ATOSA: variants seen among roughly 807,000 people sequenced by gnomAD.
ATOSA encodes atos homolog protein A.
the ATOSA span, among the ~76,000 whole-genome samples, chr15:52,637,755 G>A: frequency 6.6e-6 from 1 of 152,092 alleles, no homozygotes; most frequent in Non-Finnish European, 1.5e-5. Flanking sequence ...AAGTCACTTA[G>A]TAGAAACAGA....
the ATOSA span, among the ~76,000 whole-genome samples, chr15:52,665,534 G>A: frequency 6.6e-6 from 1 of 151,660 alleles, no homozygotes; most frequent in African/African-American, 2.4e-5. Context: ...TACTGTTGGT[G>A]ACCAAAAATT....
the ATOSA span, among the ~76,000 whole-genome samples, chr15:52,640,716 C>G: frequency 6.7e-6 from 1 of 149,718 alleles, no homozygotes; most frequent in African/African-American, 2.5e-5. Context: ...ATATATACTA[C>G]TAGATCTGAA....
the ATOSA span, among the ~76,000 whole-genome samples, chr15:52,679,541 G>A: frequency 2.0e-5 from 3 of 152,218 alleles, no homozygotes; most frequent in Non-Finnish European, 4.4e-5. Flanking sequence ...CAGGTGCCCG[G>A]CGGGTGCGAG....
chr15:52,609,130 T>C, the ATOSA span: 52 of 1,613,460 alleles, frequency 3.2e-5, no homozygotes, highest in Non-Finnish European at 4.1e-5. Context: ...ATACGTACTT[T>C]GGATGATTTC....
the ATOSA span, among the ~76,000 whole-genome samples, chr15:52,612,305 C>G: frequency 6.6e-6 from 1 of 151,932 alleles, no homozygotes; most frequent in African/African-American, 2.4e-5. Flanking sequence ...ATTTATAATG[C>G]AAATTTTCTT....
chr15:52,596,458 T>C, the ATOSA span, among the ~76,000 whole-genome samples: 1 of 152,226 alleles, frequency 6.6e-6, no homozygotes, highest in South Asian at 2.1e-4. Context: ...GGAACCTTGA[T>C]CGCACACCTC....
chr15:52,627,896 TAA>T, the ATOSA span, among the ~76,000 whole-genome samples: 74 of 152,264 alleles, frequency 4.9e-4, no homozygotes, highest in African/African-American at 1.7e-3. Context: ...AACAAAATGC[TAA>T]AAGTAGGTCC....
chr15:52,620,059 T>C, the ATOSA span, among the ~76,000 whole-genome samples: 1,409 of 152,232 alleles, frequency 9.3e-3, 35 homozygotes, highest in African/African-American at 0.033. Flanking sequence ...CTGACTGCTT[T>C]TGCATGCTCT....
At chr15:52,624,777 C>CT in the ATOSA span, among the ~76,000 whole-genome samples, 4 of 121,552 alleles carry the variant, frequency 3.3e-5, no homozygotes, top group Admixed American at 1.0e-4. Flanking sequence ...TGTGTACCTG[C>CT]TTATTTTTTT....
chr15:52,611,086 G>T, the ATOSA span: 2 of 1,537,758 alleles, frequency 1.3e-6, no homozygotes, highest in Non-Finnish European at 1.7e-6. Flanking sequence ...GCTAACCAAG[G>T]TGGCTGAATA....
At chr15:52,696,140 A>G in the ATOSA span, among the ~76,000 whole-genome samples, 3 of 152,112 alleles carry the variant, frequency 2.0e-5, no homozygotes, top group African/African-American at 7.2e-5. Flanking sequence ...GCAAGGGGAG[A>G]CACATGGAAA....
At chr15:52,691,172 G>A in the ATOSA span, among the ~76,000 whole-genome samples, 1 of 151,800 alleles carries the variant, frequency 6.6e-6, no homozygotes, top group Non-Finnish European at 1.5e-5. Context: ...TATTATTTTA[G>A]TGGAGCATTA....
the ATOSA span, chr15:52,601,003 T>C: frequency 1.2e-6 from 1 of 815,840 alleles, no homozygotes; most frequent in East Asian, 2.7e-5. Flanking sequence ...TTCTGATGTT[T>C]AGAATCAACA....
the ATOSA span, among the ~76,000 whole-genome samples, chr15:52,670,317 C>G: frequency 2.0e-5 from 3 of 152,148 alleles, no homozygotes; most frequent in Non-Finnish European, 4.4e-5. Context: ...CAGTGCTAGG[C>G]GTATGTTAAG....
chr15:52,703,439 T>A, the ATOSA span, among the ~76,000 whole-genome samples: 1 of 152,296 alleles, frequency 6.6e-6, no homozygotes. Context: ...AAGATACTAT[T>A]TCTTGCCCAT....
the ATOSA span, chr15:52,608,594 C>A: frequency 6.3e-7 from 1 of 1,582,432 alleles, no homozygotes; most frequent in South Asian, 1.2e-5. Flanking sequence ...TTTGGTTGCT[C>A]ACATGTAGAC....
chr15:52,610,209 A>C, the ATOSA span: 1 of 1,614,010 alleles, frequency 6.2e-7, no homozygotes, highest in South Asian at 1.1e-5. Flanking sequence ...TTTTCTCATA[A>C]AGGCCAATAT....
At chr15:52,616,683 T>G in the ATOSA span, among the ~76,000 whole-genome samples, 1 of 152,168 alleles carries the variant, frequency 6.6e-6, no homozygotes, top group Non-Finnish European at 1.5e-5. Flanking sequence ...ACACTGGAGT[T>G]AGGATTCAGA....
chr15:52,664,964 G>A, the ATOSA span, among the ~76,000 whole-genome samples: 1 of 151,772 alleles, frequency 6.6e-6, no homozygotes, highest in Admixed American at 6.6e-5. Flanking sequence ...GGGGTGCAGG[G>A]GAAGGAATAC....
Sources: gnomAD v4.1 joint callset for allele counts (sites outside exome capture counted in the v4.1 genomes callset) on GRCh38, gnomAD v4.1.1 for gene constraint, MANE v1.5 for transcripts, NCBI Gene and HGNC (gene_info 2026-07-23, HGNC 2026-07-21) for gene names.